The following MRPS35 variants were observed in gnomAD, a reference collection of about 807,000 sequenced individuals.
The protein encoded by MRPS35 is small ribosomal subunit protein mS35.
Under a neutral mutation model 32.7 loss-of-function variants are expected in MRPS35, and 29 were observed. That is an observed-to-expected ratio of 0.89 (90% CI 0.66 to 1.21). MRPS35 has a LOEUF of 1.21. MRPS35 is among the 50% of genes most tolerant of loss of function. The probability of loss-of-function intolerance (pLI) is 0.00; values close to 1 mark genes in which losing one functional copy is unlikely to be tolerated. For synonymous variants in MRPS35, 148 were observed against 139.3 expected, an observed-to-expected ratio of 1.06 and a Z score of -0.44; for missense variants, 373 against 383.8, an observed-to-expected ratio of 0.97 and a Z score of 0.23.
At chr12:27,751,665 C>G (rs767959066) in intron 7 of MRPS35, among the ~76,000 whole-genome samples, 6 of 152,176 alleles carry the variant, frequency 3.9e-5, no homozygotes, top group Non-Finnish European at 7.4e-5. Flanking sequence ...CCCTCCTGTC[C>G]AGACGGACAG....
intron 4 of MRPS35, among the ~76,000 whole-genome samples, chr12:27,723,424 G>A (rs1442745085): frequency 6.6e-6 from 1 of 152,124 alleles, no homozygotes; most frequent in Non-Finnish European, 1.5e-5. Flanking sequence ...CAAATATGAG[G>A]ACAAGGCTTT....
chr12:27,732,987 G>GATAGATATATAT (rs2061927541), intron 5 of MRPS35, among the ~76,000 whole-genome samples: 1 of 120,630 alleles, frequency 8.3e-6, no homozygotes, highest in African/African-American at 3.3e-5. Flanking sequence ...GTCATTTGAA[G>GATAGATATATAT]ATATATATAT....
At chr12:27,743,869 G>A (rs1220030099) in intron 7 of MRPS35, among the ~76,000 whole-genome samples, 1 of 152,102 alleles carries the variant, frequency 6.6e-6, no homozygotes. Flanking sequence ...GTCCTCACTT[G>A]GAGAACAGAG....
chr12:27,717,365 G>A (rs1434174434), intron 3 of MRPS35, among the ~76,000 whole-genome samples: 1 of 152,164 alleles, frequency 6.6e-6, no homozygotes, highest in African/African-American at 2.4e-5. Flanking sequence ...TAACTTTATT[G>A]CTTGAAGCAA....
intron 7 of MRPS35, among the ~76,000 whole-genome samples, chr12:27,739,101 T>C (rs2061953799): frequency 6.6e-6 from 1 of 152,208 alleles, no homozygotes; most frequent in Admixed American, 6.5e-5. Context: ...TTTTGCCATG[T>C]TGGCCAGGCT....
In MRPS35 at chr12:27,735,494, A is replaced by C. The variant is rs536213836; in HGVS notation, c.570A>C (p.Leu190Phe). ...LNLDDHAKKK[L>F]IKLVGERYCK... ...TAGATGATCACGCAAAGAAGAAATT[A>C]ATTAAACTTGTAGGAGAGCGATACT... Residue 190 changes from leucine (L) to phenylalanine (F), a missense_variant, in exon 6 of 8, where the codon TTA becomes TTC. Physicochemically the swap from Leu to Phe is conservative, Grantham distance 22. Transcript: ENST00000081029. 11 of 1,612,272 alleles carry C rather than the reference A, an allele frequency of 6.8e-6. No individual in the cohort carries two copies. In the South Asian group the frequency reaches 1.1e-4, roughly 16 times the overall value.
chr12:27,741,595 G>T (rs2061964903), intron 7 of MRPS35, among the ~76,000 whole-genome samples: 1 of 151,932 alleles, frequency 6.6e-6, no homozygotes, highest in Non-Finnish European at 1.5e-5. Flanking sequence ...ATACTCTTTA[G>T]GATGTGTATC....
chr12:27,747,818 GA>G (rs1208158835), intron 7 of MRPS35, among the ~76,000 whole-genome samples: 5 of 150,296 alleles, frequency 3.3e-5, no homozygotes, highest in South Asian at 2.1e-4. Context: ...TTCATACAAG[GA>G]AAAAAAAAGA....
rs917780340 is a variant in MRPS35 at position 27,721,557 on chromosome 12, C to T, written c.382+1689C>T. Among the ~76,000 whole-genome samples the T allele has an allele frequency of 3.9e-5, 6 of 152,044 alleles. No homozygotes were observed. The South Asian group carries it at 1.2e-3, about 32-fold the overall frequency. ...GCCTGTAGTCCCGGCTACTCGGGGG[C>T]CTGAGGCAGGAGGATTGGAACCCAG... On this transcript the variant is annotated intron_variant, in intron 4 of 7. Transcript: ENST00000081029.
Position 27,735,537 on chromosome 12 carries a change from C to T in MRPS35, c.613C>T (p.Leu205Phe), listed in dbSNP as rs773226882. Residue 205 changes from leucine (L) to phenylalanine (F), a missense_variant, in exon 6 of 8, where the codon CTT (leucine) becomes TTT (phenylalanine). Physicochemically the swap from Leu to Phe is conservative, Grantham distance 22. Coordinates refer to ENST00000081029, the MANE Select transcript of MRPS35 (RefSeq NM_021821.4). ...GERYCKTTDV[L>F]TIKTDRCPLR... The stretch of plus-strand genomic sequence containing the variant: ...GCGATACTGCAAGACCACAGATGTG[C>T]TTACCATCAAAACAGATAGGTAATG... 1.9e-6 allele frequency: 3 copies of T among 1,611,018 alleles called. No individual in the cohort carries two copies. The highest frequency in any genetic ancestry group is 2.5e-6 in the Non-Finnish European group (3 of 1,178,732).
intron 5 of MRPS35, among the ~76,000 whole-genome samples, chr12:27,724,536 A>C (rs1565466166): frequency 6.6e-6 from 1 of 152,194 alleles, no homozygotes; most frequent in Admixed American, 6.5e-5. Flanking sequence ...TGAGGTCAGG[A>C]GTTCAAGACC....
chr12:27,755,501 A>G lies in MRPS35; in HGVS notation c.*51A>G, dbSNP rs1479436127. The G allele has an allele frequency of 7.1e-7, 1 of 1,415,956 alleles. No individual in the cohort carries two copies. The highest frequency in any genetic ancestry group is 1.6e-5 in the South Asian group (1 of 62,854). 87.7% of individuals were successfully genotyped at this position (1,415,956 alleles called of 1,614,324 possible). On this transcript the variant is annotated 3_prime_UTR_variant, in exon 8 of 8. Coordinates refer to ENST00000081029, the MANE Select transcript of MRPS35 (RefSeq NM_021821.4). ...ATTTATTAATTTTATGATATATGTG[A>G]TCAGTATCTAATTTGATATAAAATT...
intron 5 of MRPS35, among the ~76,000 whole-genome samples, chr12:27,735,094 A>G (rs993364082): frequency 7.2e-5 from 11 of 152,170 alleles, no homozygotes; most frequent in African/African-American, 2.4e-4. Context: ...TGTTTTATCT[A>G]TTTATTTCTA....
At chr12:27,712,632 A>C (rs535499446) in intron 1 of MRPS35, among the ~76,000 whole-genome samples, 1 of 152,338 alleles carries the variant, frequency 6.6e-6, no homozygotes, top group South Asian at 2.1e-4. Context: ...ACAAGTCTCA[A>C]AAAAATCCTG....
chr12:27,755,058 G>T (rs2062020594), intron 7 of MRPS35, 123 bp from the exon 8 acceptor site: 2 of 1,166,270 alleles, frequency 1.7e-6, no homozygotes, highest in African/African-American at 1.6e-5. Flanking sequence ...TCCACATTTT[G>T]CAAACTTCTC....
intron 1 of MRPS35, among the ~76,000 whole-genome samples, chr12:27,713,489 G>T (rs1456951435): frequency 1.3e-5 from 2 of 152,222 alleles, no homozygotes; most frequent in African/African-American, 4.8e-5. Context: ...TCAGGGGGCT[G>T]CGTGTACAAG....
chr12:27,749,688 A>G (rs965749417), intron 7 of MRPS35, among the ~76,000 whole-genome samples: 3 of 152,174 alleles, frequency 2.0e-5, no homozygotes, highest in South Asian at 2.1e-4. Context: ...GCATAGGTAC[A>G]TAGGTTTTAG....
chr12:27,748,036 C>A (rs764791062), intron 7 of MRPS35, among the ~76,000 whole-genome samples: 1 of 152,148 alleles, frequency 6.6e-6, no homozygotes, highest in Non-Finnish European at 1.5e-5. Context: ...GAGTTAATAC[C>A]TGTAAGGCAC....
At chr12:27,740,348 G>A (rs954880417) in intron 7 of MRPS35, among the ~76,000 whole-genome samples, 2 of 151,270 alleles carry the variant, frequency 1.3e-5, no homozygotes, top group Admixed American at 1.3e-4. Flanking sequence ...GCTCACTGCA[G>A]CCTTGGCCTC....
Sources: allele counts gnomAD v4.1 joint callset (sites outside exome capture counted in the v4.1 genomes callset), GRCh38; gene constraint gnomAD v4.1.1; transcripts MANE v1.5; gene names NCBI Gene and HGNC (gene_info 2026-07-23, HGNC 2026-07-21).